The following COX7A2L variants were observed in gnomAD, a reference collection of about 807,000 sequenced individuals.
COX7A2L encodes cytochrome c oxidase subunit 7A2 like.
In COX7A2L, 18 loss-of-function variants were observed where a neutral mutation model predicts 14.2. That is an observed-to-expected ratio of 1.27 (90% confidence interval 0.88 to 1.88). The LOEUF (loss-of-function observed/expected upper bound fraction) is 1.88, where lower values mean the gene tolerates loss of function less well. Ranked by LOEUF, COX7A2L falls within the 40% of genes most tolerant of loss-of-function variation. COX7A2L has a pLI of 0.00. For synonymous variants in COX7A2L, 65 were observed against 57.4 expected (o/e 1.13, Z -0.60); for missense variants, 179 against 138.8 (o/e 1.29, Z -1.46).
downstream of COX7A2L, among the ~76,000 whole-genome samples, chr2:42,348,273 A>G (rs1670536733): frequency 6.6e-6 from 1 of 152,218 alleles, no homozygotes; most frequent in Admixed American, 6.5e-5. Flanking sequence ...CAATGAACAG[A>G]GTGCAAACTG....
upstream of COX7A2L, among the ~76,000 whole-genome samples, chr2:42,362,141 T>G (rs1406540110): frequency 2.0e-5 from 3 of 152,178 alleles, no homozygotes; most frequent in African/African-American, 7.2e-5. Context: ...CAGAAACACT[T>G]GTAAAATCTG....
chr2:42,361,828 G>C (rs1671063979), upstream of COX7A2L: 1 of 152,204 alleles, frequency 6.6e-6, no homozygotes, highest in Admixed American at 6.5e-5. Flanking sequence ...TAGACTTGTC[G>C]GCCAAGCTTC....
rs1423301515 is a variant in COX7A2L at position 42,342,805 on chromosome 2, G to A, written c.193-8936C>T. 5.3e-5 allele frequency among the ~76,000 whole-genome samples: 8 copies of A among 152,114 alleles called. No homozygotes were observed. In the East Asian group the frequency reaches 5.8e-4, roughly 11 times the overall value. On this transcript the variant is annotated intron_variant, in intron 2 of 2. Transcript: ENST00000468711. The surrounding 1 kb of genome is among the most constrained non-coding windows in gnomAD (Gnocchi z 4.9). ...CTGGCCATTCAGCGCCCCCCGTTTC[G>A]GGTTTTGCAGCAGACTTCCCCTGGG...
chr2:42,361,253 G>C (rs1671042318), upstream of COX7A2L: 15 of 1,230,170 alleles, frequency 1.2e-5, no homozygotes, highest in Non-Finnish European at 1.7e-5. Context: ...GAGACTCAGC[G>C]CAAGGACCCG....
chr2:42,353,354 A>G lies in COX7A2L; in HGVS notation c.73-11T>C, dbSNP rs1279358879. ...CACAGGCTTTAATCCCTGTAGAGAAAAAAAGGAAAATGGCAAGTTGAAAGT... is the reference window on the plus strand; with the variant it reads ...CACAGGCTTTAATCCCTGTAGAGAAGAAAAGGAAAATGGCAAGTTGAAAGT... On this transcript the variant is annotated splice_polypyrimidine_tract_variant and intron_variant, in intron 1 of 2. Coordinates refer to ENST00000234301, the MANE Select transcript of COX7A2L (RefSeq NM_004718.4). 6.2e-7 allele frequency: 1 copy of G among 1,611,832 alleles called. No homozygotes were observed. The highest frequency in any genetic ancestry group is 8.5e-7 in the Non-Finnish European group (1 of 1,179,494).
chr2:42,351,447 GT>G, intron 2 of COX7A2L, 88 bp from the exon 3 acceptor site: 3 of 1,465,500 alleles, frequency 2.0e-6, no homozygotes, highest in Non-Finnish European at 2.8e-6. Context: ...TGTCTACTCG[GT>G]AAGTAATTCA....
intron 1 of COX7A2L, among the ~76,000 whole-genome samples, chr2:42,354,394 T>C (rs1053641952): frequency 6.6e-6 from 1 of 152,016 alleles, no homozygotes. Context: ...TATAAGCCAA[T>C]AAAAATCCTC....
In COX7A2L at chr2:42,350,035, A is replaced by C. The variant is rs893410297; in HGVS notation, c.*1184T>G. 22 of 150,912 alleles carry C rather than the reference A, an allele frequency of 1.5e-4. No homozygotes were observed. The highest frequency in any genetic ancestry group is 5.4e-4 in the African/African-American group (22 of 40,936). 9.3% of individuals were successfully genotyped at this position (150,912 alleles called of 1,614,324 possible). A position where few individuals can be genotyped will look rare whatever the true frequency, so the allele number is the denominator to read the frequency against. On this transcript the variant is annotated 3_prime_UTR_variant, in exon 3 of 3. Transcript: ENST00000234301. ...TTTTCAAAATAAAAACTTGGAGGAA[A>C]TACCAGAGAATAAAATTTAGATTTG...
At chr2:42,359,597 T>C (rs1001090618) in intron 1 of COX7A2L, 1 of 152,184 alleles carries the variant, frequency 6.6e-6, no homozygotes, top group South Asian at 2.1e-4. Flanking sequence ...CCACACTGGT[T>C]TCCCTTCTCA....
intron 1 of COX7A2L, among the ~76,000 whole-genome samples, chr2:42,368,625 C>T (rs1350485082): frequency 6.6e-6 from 1 of 152,162 alleles, no homozygotes; most frequent in Non-Finnish European, 1.5e-5. Context: ...CTTCACTGAG[C>T]CTCAGTTTAT....
At chr2:42,343,261 G>A (rs1412629243) in intron 2 of COX7A2L, among the ~76,000 whole-genome samples, 1 of 152,212 alleles carries the variant, frequency 6.6e-6, no homozygotes, top group Non-Finnish European at 1.5e-5. Flanking sequence ...AACAGGTGAA[G>A]GATAACTGCA....
intron 1 of COX7A2L, among the ~76,000 whole-genome samples, chr2:42,360,508 G>C (rs1418527157): frequency 6.6e-6 from 1 of 152,100 alleles, no homozygotes; most frequent in Non-Finnish European, 1.5e-5. Flanking sequence ...CCCAAACAAC[G>C]AGCATCTGTC....
chr2:42,362,505 G>C (rs1454177772), upstream of COX7A2L, among the ~76,000 whole-genome samples: 1 of 152,224 alleles, frequency 6.6e-6, no homozygotes, highest in African/African-American at 2.4e-5. Flanking sequence ...GCCTGGAGAA[G>C]CTAAGTAACT....
chr2:42,365,424 C>T (rs1377815218), upstream of COX7A2L, among the ~76,000 whole-genome samples: 1 of 152,088 alleles, frequency 6.6e-6, no homozygotes, highest in Non-Finnish European at 1.5e-5. Context: ...ATCAGGAGTT[C>T]GGGACCAGCC....
At chr2:42,355,714 GTTCTT>G (rs1670793912) in intron 1 of COX7A2L, among the ~76,000 whole-genome samples, 6 of 82,866 alleles carry the variant, frequency 7.2e-5, no homozygotes, top group African/African-American at 3.0e-4. Context: ...AAAATCCTAC[GTTCTT>G]TTTTTTTTTT....
chr2:42,361,379 G>A, upstream of COX7A2L: 1 of 515,480 alleles, frequency 1.9e-6, no homozygotes, highest in East Asian at 3.5e-5. Context: ...CCAGCTCTAA[G>A]AGAGCACGCA....
At chr2:42,354,467 C>G (rs1014325402) in intron 1 of COX7A2L, among the ~76,000 whole-genome samples, 1 of 151,982 alleles carries the variant, frequency 6.6e-6, no homozygotes, top group Non-Finnish European at 1.5e-5. Context: ...TAATTCAAAC[C>G]CAGCCTTTTC....
upstream of COX7A2L, among the ~76,000 whole-genome samples, chr2:42,365,023 G>C (rs1309677125): frequency 6.6e-6 from 1 of 152,122 alleles, no homozygotes; most frequent in Non-Finnish European, 1.5e-5. Context: ...CATCTCACTG[G>C]TTAAGAAAGG....
intron 1 of COX7A2L, among the ~76,000 whole-genome samples, chr2:42,360,711 C>G (rs1670998449): frequency 1.4e-4 from 1 of 7,014 alleles, no homozygotes; most frequent in South Asian, 2.3e-3. Flanking sequence ...GGGGCTCTGG[C>G]AGATGACAAA....
Sources: gnomAD v4.1 joint callset for allele counts (sites outside exome capture counted in the v4.1 genomes callset) on GRCh38, gnomAD v4.1.1 for gene constraint, Gnocchi (gnomAD v3.1) non-coding constraint, MANE v1.5 for transcripts, NCBI Gene and HGNC (gene_info 2026-07-23, HGNC 2026-07-21) for gene names.